TMCC3: variants seen among roughly 807,000 people sequenced by gnomAD.
TMCC3 encodes the protein transmembrane and coiled-coil domain protein 3.
In TMCC3, 28 loss-of-function variants were observed where a neutral mutation model predicts 40.2. The ratio of observed to expected loss-of-function variants is 0.70; its 90% CI spans 0.52 to 0.95. The LOEUF (loss-of-function observed/expected upper bound fraction) is 0.95, where lower values mean the gene tolerates loss of function less well. Among genes scored for constraint, TMCC3 ranks in the 40% least tolerant of loss-of-function variants. TMCC3 has a pLI of 0.00. For synonymous variants in TMCC3, 255 were observed against 248.5 expected (o/e 1.03, Z -0.25); for missense variants, 554 against 615.2 (o/e 0.90, Z 1.05).
chr12:94,628,745 G>A (rs1266984368), intron 1 of TMCC3, among the ~76,000 whole-genome samples: 1 of 152,190 alleles, frequency 6.6e-6, no homozygotes, highest in Non-Finnish European at 1.5e-5. Context: ...TAGACTGGTG[G>A]TGGAGAAATG....
chr12:94,640,769 A>G (rs532018153), intron 1 of TMCC3, among the ~76,000 whole-genome samples: 1 of 152,348 alleles, frequency 6.6e-6, no homozygotes, highest in South Asian at 2.1e-4. Flanking sequence ...AAAGCCGCTA[A>G]GTGAAAGAGC....
At chr12:94,612,387 T>C (rs1157182187) in intron 1 of TMCC3, among the ~76,000 whole-genome samples, 1 of 152,058 alleles carries the variant, frequency 6.6e-6, no homozygotes, top group Non-Finnish European at 1.5e-5. Context: ...CTCGGCTCAC[T>C]GCAATCTCCG....
At chr12:94,583,934 C>T (rs937356240) in intron 1 of TMCC3, among the ~76,000 whole-genome samples, 1 of 152,140 alleles carries the variant, frequency 6.6e-6, no homozygotes, top group African/African-American at 2.4e-5. Context: ...TGTCAATATC[C>T]CTTTGATTAG....
At position 94,635,660 on chromosome 12, in the gene TMCC3, G is replaced by GTTTT. The variant is rs63480462; in HGVS notation, c.78+14689_78+14692dup. Among the ~76,000 whole-genome samples the GTTTT allele has an allele frequency of 4.2e-3, 372 of 89,318 alleles. 3 individuals are homozygous for GTTTT. Among genetic ancestry groups the GTTTT allele is most frequent in the South Asian group, 6.5e-3 (15 of 2,320 alleles). 58.6% of individuals were successfully genotyped at this position (89,318 alleles called of 152,430 possible). ...TGCCTGTTTTTGTGTGTGTATGTGG[G>GTTTT]TTTTTTTTTTTTTTTTTTTTTTTGA... On this transcript the variant is annotated intron_variant, in intron 1 of 3. Coordinates refer to ENST00000261226, the MANE Select transcript of TMCC3 (RefSeq NM_020698.4).
chr12:94,628,567 G>A (rs1399437152), intron 1 of TMCC3, among the ~76,000 whole-genome samples: 2 of 152,176 alleles, frequency 1.3e-5, no homozygotes, highest in South Asian at 2.1e-4. Flanking sequence ...TCTAAGCATC[G>A]CAGTGTCTGC....
intron 1 of TMCC3, among the ~76,000 whole-genome samples, chr12:94,631,463 G>A (rs1010354430): frequency 2.6e-5 from 4 of 152,264 alleles, no homozygotes; most frequent in Non-Finnish European, 2.9e-5. Flanking sequence ...ACACAGACAC[G>A]TAGAGGGAAA....
At chr12:94,618,228 T>C (rs961121230) in intron 1 of TMCC3, among the ~76,000 whole-genome samples, 2 of 152,234 alleles carry the variant, frequency 1.3e-5, no homozygotes, top group African/African-American at 4.8e-5. Context: ...TCTTTACCTA[T>C]TTTTACGGCT....
intron 3 of TMCC3, 66 bp downstream of exon 3, chr12:94,578,328 G>A: frequency 1.3e-6 from 2 of 1,552,082 alleles, no homozygotes; most frequent in Admixed American, 2.0e-5. Context: ...TAAACATTTA[G>A]ACTGTTAAAT....
chr12:94,580,574 A>T (rs562353002), intron 2 of TMCC3, among the ~76,000 whole-genome samples: 2 of 152,138 alleles, frequency 1.3e-5, no homozygotes, highest in Non-Finnish European at 2.9e-5. Context: ...ATCTCTACTA[A>T]AAATACAAAA....
chr12:94,576,533 A>C (rs1280185252), intron 3 of TMCC3, among the ~76,000 whole-genome samples: 1 of 152,128 alleles, frequency 6.6e-6, no homozygotes, highest in Non-Finnish European at 1.5e-5. Flanking sequence ...CCCAGGCTGG[A>C]GTGCATTGGC....
chr12:94,632,711 G>A (rs1594296823), intron 1 of TMCC3, among the ~76,000 whole-genome samples: 1 of 152,306 alleles, frequency 6.6e-6, no homozygotes, highest in Middle Eastern at 3.4e-3. Flanking sequence ...CTACCTGTTT[G>A]CCATTAGAAG....
intron 1 of TMCC3, among the ~76,000 whole-genome samples, chr12:94,613,644 G>GGTGGGAAGGCTTGTGAT (rs1451063178): frequency 1.3e-5 from 2 of 152,240 alleles, no homozygotes; most frequent in Admixed American, 6.5e-5. Context: ...ACCTCTTGGG[G>GGTGGGAAGGCTTGTGAT]GTGGGAAGGC....
intron 1 of TMCC3, among the ~76,000 whole-genome samples, chr12:94,583,466 T>C (rs2138828208): frequency 6.6e-6 from 1 of 152,272 alleles, no homozygotes; most frequent in Admixed American, 6.5e-5. Context: ...ATCACACCAC[T>C]GTACTCTATC....
intron 1 of TMCC3, among the ~76,000 whole-genome samples, chr12:94,627,476 C>A (rs901849673): frequency 6.6e-6 from 1 of 152,198 alleles, no homozygotes; most frequent in Non-Finnish European, 1.5e-5. Flanking sequence ...CCCGGGAGAT[C>A]CTTGCAAGGC....
chr12:94,638,567 G>A (rs2068972898), intron 1 of TMCC3, among the ~76,000 whole-genome samples: 1 of 152,224 alleles, frequency 6.6e-6, no homozygotes, highest in Non-Finnish European at 1.5e-5. Flanking sequence ...GCTTTCTAGT[G>A]GGGCTTTCAG....
chr12:94,610,019 C>T (rs1272789633), intron 1 of TMCC3: 1 of 152,228 alleles, frequency 6.6e-6, no homozygotes, highest in African/African-American at 2.4e-5. Flanking sequence ...TTTCGGCCTC[C>T]ACTCCAGGAA....
chr12:94,597,262 CTA>C (rs1489294128), intron 1 of TMCC3, among the ~76,000 whole-genome samples: 2 of 151,278 alleles, frequency 1.3e-5, no homozygotes, highest in Admixed American at 6.6e-5. Context: ...CTGCAGTGAA[CTA>C]TGATTGCTCC....
Position 94,628,826 on chromosome 12 carries a change from G to A in TMCC3, c.78+21527C>T, listed in dbSNP as rs149252490. ...AATTCTAGGGCACTTAAAGGGTGCC[G>A]TTCTGCTCTGAAATTCTACGAAGGG... On this transcript the variant is annotated intron_variant, in intron 1 of 3. Transcript: ENST00000261226. 3.3e-3 allele frequency among the ~76,000 whole-genome samples: 497 copies of A among 152,302 alleles called. 7 individuals carry two copies. Among genetic ancestry groups the A allele is most frequent in the African/African-American group, 0.011 (472 of 41,564 alleles).
At chr12:94,648,220 T>TTTTATTTA (rs201121413) in intron 1 of TMCC3, among the ~76,000 whole-genome samples, 13,139 of 149,562 alleles carry the variant, frequency 0.088, 977 homozygotes, top group African/African-American at 0.2. Flanking sequence ...AGTAGAATTG[T>TTTTATTTA]TTTATTTATT....
Sources: allele counts gnomAD v4.1 joint callset (sites outside exome capture counted in the v4.1 genomes callset), GRCh38; gene constraint gnomAD v4.1.1; transcripts MANE v1.5; gene names NCBI Gene and HGNC (gene_info 2026-07-23, HGNC 2026-07-21).